ALG1: variants seen among roughly 807,000 people sequenced by gnomAD.
ALG1 encodes the protein chitobiosyldiphosphodolichol beta-mannosyltransferase.
ALG1 carries 58 observed loss-of-function variants against 55.1 expected under a neutral mutation model. The ratio of observed to expected loss-of-function variants is 1.05; its 90% CI spans 0.85 to 1.31. The LOEUF is 1.31. Among genes scored for constraint, ALG1 ranks in the 50% most tolerant of loss-of-function variants. The probability of loss-of-function intolerance (pLI) is 0.00; values close to 1 mark genes in which losing one functional copy is unlikely to be tolerated. For synonymous variants in ALG1, 309 were observed against 247.0 expected (o/e 1.25, Z -2.35); for missense variants, 761 against 598.6 (o/e 1.27, Z -2.83).
chr16:5,072,101 T>C, intron 1 of ALG1, 44 bp downstream of exon 1: 2 of 1,551,368 alleles, frequency 1.3e-6, no homozygotes, highest in Non-Finnish European at 1.7e-6. Context: ...CTCTCAGCCG[T>C]TGATCCTCGG....
At chr16:5,072,118 C>G in intron 1 of ALG1, 61 bp downstream of exon 1, 1 of 1,549,940 alleles carries the variant, frequency 6.5e-7, no homozygotes, top group South Asian at 1.2e-5. Context: ...TCGGTTCTAA[C>G]CGCCCCGGGG....
intron 8 of ALG1, among the ~76,000 whole-genome samples, 167 bp from the exon 9 acceptor site, chr16:5,079,581 T>C: frequency 6.6e-6 from 1 of 151,734 alleles, no homozygotes; most frequent in Non-Finnish European, 1.5e-5. Context: ...CCCAGCTACT[T>C]GGGAGGCTGA....
At chr16:5,073,127 A>G (rs764494750) in intron 2 of ALG1, 26 bp from the exon 3 acceptor site, 17 of 1,613,140 alleles carry the variant, frequency 1.1e-5, no homozygotes, top group Non-Finnish European at 1.4e-5. Flanking sequence ...CTCCTTTGGT[A>G]GTCACAGGTG....
chr16:5,080,874 G>A, intron 9 of ALG1, 72 bp from the exon 10 acceptor site: 2 of 1,560,288 alleles, frequency 1.3e-6, no homozygotes. Context: ...CTAGGGGGGA[G>A]TGTCTTGGGC....
At chr16:5,079,891 T>G (rs1909748) in intron 9 of ALG1, 84 bp downstream of exon 9, 1 of 1,494,786 alleles carries the variant, frequency 6.7e-7, no homozygotes, top group African/African-American at 1.4e-5. Flanking sequence ...GTGCTTCCCA[T>G]GATCTTGTCT....
intron 4 of ALG1, among the ~76,000 whole-genome samples, chr16:5,077,223 A>C (rs1045419101): frequency 6.6e-6 from 1 of 152,032 alleles, no homozygotes; most frequent in Non-Finnish European, 1.5e-5. Flanking sequence ...CCCAGGCTGG[A>C]GTGCAGTTTC....
At position 5,071,849 on chromosome 16, in the gene ALG1, G is replaced by A. The variant is rs773567131; in HGVS notation, c.-1G>A. 24 of 1,603,886 alleles carry A rather than the reference G, an allele frequency of 1.5e-5. No individual in the cohort carries two copies. Among genetic ancestry groups the A allele is most frequent in the Non-Finnish European group, 1.9e-5 (22 of 1,179,074 alleles). On this transcript the variant is annotated 5_prime_UTR_variant, in exon 1 of 13. Transcript: ENST00000262374. ...CACGTGACTGCTGCGGGCCAGCCAA[G>A]ATGGCGGCCTCATGCTTGGTCCTGC...
intron 10 of ALG1, among the ~76,000 whole-genome samples, chr16:5,081,414 A>G (rs1237995803): frequency 6.6e-6 from 1 of 152,244 alleles, no homozygotes; most frequent in Non-Finnish European, 1.5e-5. Context: ...CGCCTCTCCC[A>G]GTGAGATGGT....
intron 10 of ALG1, 30 bp downstream of exon 10, chr16:5,081,086 A>C (rs745471799): frequency 6.8e-6 from 3 of 439,582 alleles, no homozygotes; most frequent in Non-Finnish European, 7.4e-6. Context: ...CTCAGGGAGG[A>C]GGCGGGGGGA....
In ALG1 at chr16:5,079,658, C is replaced by T. The variant is rs564858686; in HGVS notation, c.902-90C>T. On this transcript the variant is annotated intron_variant, in intron 8 of 12. Transcript: ENST00000262374. Reference sequence around the variant, plus strand: ...GAGCTGAGATCGCGCCATTGCATTCCAGCCTGGGTGACAGAGTGAGAGTCT... The same window carrying T: ...GAGCTGAGATCGCGCCATTGCATTCTAGCCTGGGTGACAGAGTGAGAGTCT... 2,745 of 1,466,282 alleles carry T rather than the reference C, an allele frequency of 1.9e-3. 9 individuals carry two copies. Among genetic ancestry groups the T allele is most frequent in the Non-Finnish European group, 2.3e-3 (2,411 of 1,050,066 alleles). 90.8% of individuals were successfully genotyped at this position (1,466,282 alleles called of 1,614,324 possible). A position where few individuals can be genotyped will look rare whatever the true frequency, so the allele number is the denominator to read the frequency against.
At chr16:5,080,529 C>T (rs1596259132) in intron 9 of ALG1, among the ~76,000 whole-genome samples, 1 of 152,356 alleles carries the variant, frequency 6.6e-6, no homozygotes, top group East Asian at 1.9e-4. Context: ...TCCTGCTCTC[C>T]TCCCTCCTCT....
intron 4 of ALG1, among the ~76,000 whole-genome samples, chr16:5,076,549 C>G (rs1341428193): frequency 2.0e-5 from 3 of 152,228 alleles, no homozygotes; most frequent in African/African-American, 7.2e-5. Context: ...CATTTCCGAG[C>G]TTTCTCTGCA....
chr16:5,080,239 A>T (rs1956993661), intron 9 of ALG1, among the ~76,000 whole-genome samples: 1 of 151,608 alleles, frequency 6.6e-6, no homozygotes, highest in Non-Finnish European at 1.5e-5. Flanking sequence ...TAATTTTTGT[A>T]TTTTTAGTAG....
At chr16:5,073,671 G>C (rs1418215306) in intron 3 of ALG1, among the ~76,000 whole-genome samples, 1 of 152,238 alleles carries the variant, frequency 6.6e-6, no homozygotes, top group Non-Finnish European at 1.5e-5. Context: ...TCGTCAGTGT[G>C]GTTCTATAGT....
At chr16:5,084,645 G>T in intron 12 of ALG1, 105 bp from the exon 13 acceptor site, 1 of 1,547,984 alleles carries the variant, frequency 6.5e-7, no homozygotes, top group Non-Finnish European at 8.8e-7. Context: ...TTAGGGACTT[G>T]GGAGGGGTTG....
chr16:5,079,287 G>A (rs1956974231), intron 8 of ALG1, among the ~76,000 whole-genome samples, 185 bp downstream of exon 8: 1 of 152,210 alleles, frequency 6.6e-6, no homozygotes, highest in African/African-American at 2.4e-5. Flanking sequence ...CAGGCCCTCA[G>A]GCTGAAATGC....
In ALG1 at chr16:5,084,971, A is replaced by C; in HGVS notation, c.*90A>C. ...CTCAGGGCAAACCCTTTCGAGCAGC[A>C]CCTCCCAGTGGCCAGAAGCTGAAAT... On this transcript the variant is annotated 3_prime_UTR_variant, in exon 13 of 13. Transcript: ENST00000262374. 1 of 1,589,932 alleles carries C rather than the reference A, an allele frequency of 6.3e-7. No individual in the cohort carries two copies. Among genetic ancestry groups the C allele is most frequent in the South Asian group, 1.1e-5 (1 of 90,846 alleles).
intron 9 of ALG1, 86 bp downstream of exon 9, chr16:5,079,893 A>G (rs1956985972): frequency 3.4e-6 from 5 of 1,480,464 alleles, no homozygotes; most frequent in Non-Finnish European, 3.8e-6. Flanking sequence ...GCTTCCCATG[A>G]TCTTGTCTCC....
intron 3 of ALG1, among the ~76,000 whole-genome samples, chr16:5,075,121 C>G (rs1426410215): frequency 6.6e-6 from 1 of 152,148 alleles, no homozygotes; most frequent in African/African-American, 2.4e-5. Context: ...CTAGGCCGGC[C>G]TTGAACTCCT....
Sources: gnomAD v4.1 joint callset for allele counts (sites outside exome capture counted in the v4.1 genomes callset) on GRCh38, gnomAD v4.1.1 for gene constraint, MANE v1.5 for transcripts, NCBI Gene and HGNC (gene_info 2026-07-23, HGNC 2026-07-21) for gene names.